The following LARGE1 variants were observed in gnomAD, a reference collection of about 807,000 sequenced individuals.
LARGE1 encodes the protein LARGE xylosyl- and glucuronyltransferase 1.
A neutral mutation model predicts 87.6 loss-of-function variants in LARGE1; 43 were observed. That is an observed-to-expected ratio of 0.49 (90% CI 0.38 to 0.63). LARGE1 has a LOEUF of 0.63. LARGE1 is among the 30% of genes least tolerant of loss of function. The pLI is 0.00. For synonymous variants in LARGE1, 434 were observed against 394.6 expected, an observed-to-expected ratio of 1.10 and a Z score of -1.18; for missense variants, 802 against 1,000.2, an observed-to-expected ratio of 0.80 and a Z score of 2.67.
chr22:33,387,214 C>G (rs2065355479), intron 7 of LARGE1, among the ~76,000 whole-genome samples: 1 of 148,428 alleles, frequency 6.7e-6, no homozygotes, highest in Non-Finnish European at 1.5e-5. Context: ...CATCTGAAGT[C>G]AGGAGTCCAA....
At chr22:33,191,272 G>A (rs1044867806) in intron 11 of LARGE1, among the ~76,000 whole-genome samples, 8 of 104,942 alleles carry the variant, frequency 7.6e-5, no homozygotes, top group Non-Finnish European at 4.4e-5. Context: ...AGTACATTCT[G>A]CTACAACTAA....
intron 11 of LARGE1, among the ~76,000 whole-genome samples, chr22:33,192,171 AAG>A (rs1317549558): frequency 6.6e-6 from 1 of 152,168 alleles, no homozygotes; most frequent in Admixed American, 6.5e-5. Flanking sequence ...AATTTTGTGG[AAG>A]AGTTTTACAT....
At chr22:33,488,886 T>A (rs2069701361) in intron 6 of LARGE1, among the ~76,000 whole-genome samples, 1 of 152,208 alleles carries the variant, frequency 6.6e-6, no homozygotes, top group Admixed American at 6.5e-5. Context: ...GCAAATGTAA[T>A]CACAACACCC....
chr22:33,628,798 C>T (rs1000884339), intron 3 of LARGE1, among the ~76,000 whole-genome samples: 2 of 94 alleles, frequency 0.021, no homozygotes, highest in African/African-American at 0.056. Context: ...TCCTCCAACC[C>T]GCAGACATCT....
At chr22:33,123,517 C>T in the LARGE1 span, among the ~76,000 whole-genome samples, 1 of 152,136 alleles carries the variant, frequency 6.6e-6, no homozygotes. Flanking sequence ...CTAAGTCTAG[C>T]AAAAGCTTAG....
intron 7 of LARGE1, among the ~76,000 whole-genome samples, chr22:33,408,771 G>T (rs1601737661): frequency 1.3e-5 from 1 of 74,348 alleles, no homozygotes; most frequent in Non-Finnish European, 2.2e-5. Context: ...AAAATGGCCA[G>T]GGGGGGTCAA....
intron 6 of LARGE1, among the ~76,000 whole-genome samples, chr22:33,560,929 C>T (rs1265345102): frequency 1.3e-5 from 2 of 152,048 alleles, no homozygotes; most frequent in African/African-American, 2.4e-5. Context: ...ATTCTCCTGC[C>T]TCAGCCTCCC....
chr22:33,558,924 A>T (rs1380883977), intron 6 of LARGE1, among the ~76,000 whole-genome samples: 1 of 152,208 alleles, frequency 6.6e-6, no homozygotes, highest in African/African-American at 2.4e-5. Flanking sequence ...GTCCTTAGAG[A>T]AAATGGAATG....
intron 2 of LARGE1, among the ~76,000 whole-genome samples, chr22:33,658,411 A>G (rs2081030675): frequency 2.6e-5 from 4 of 152,166 alleles, no homozygotes; most frequent in African/African-American, 9.7e-5. Flanking sequence ...CCCAGCATCC[A>G]TTAGCTACTC....
At chr22:33,113,146 C>T in the LARGE1 span, among the ~76,000 whole-genome samples, 1 of 151,814 alleles carries the variant, frequency 6.6e-6, no homozygotes, top group Admixed American at 6.6e-5. Flanking sequence ...ATTTTAAGCA[C>T]CAACTATATG....
chr22:33,154,925 G>A, the LARGE1 span, among the ~76,000 whole-genome samples: 3 of 152,154 alleles, frequency 2.0e-5, no homozygotes, highest in African/African-American at 4.8e-5. Flanking sequence ...TGGTGAATAC[G>A]TCTCATGAGA....
chr22:33,131,519 A>G, the LARGE1 span, among the ~76,000 whole-genome samples: 3 of 152,188 alleles, frequency 2.0e-5, no homozygotes, highest in Non-Finnish European at 4.4e-5. Flanking sequence ...ATGGACTCAC[A>G]GTTCCACATG....
chr22:33,219,963 G>A (rs909908014), intron 11 of LARGE1, among the ~76,000 whole-genome samples: 11 of 152,110 alleles, frequency 7.2e-5, no homozygotes, highest in Middle Eastern at 3.4e-3. Context: ...CCTGAGAAGA[G>A]AGAAAAAAAG....
At chr22:33,347,982 AAGG>A (rs1399908981) in intron 9 of LARGE1, among the ~76,000 whole-genome samples, 2 of 152,084 alleles carry the variant, frequency 1.3e-5, no homozygotes, top group African/African-American at 4.8e-5. Flanking sequence ...TCTATGGGGG[AAGG>A]AGGAGTAAGA....
rs140829010 is a variant in LARGE1 at position 33,289,108 on chromosome 22, G to A, written c.1731-5760C>T. 7.8e-3 allele frequency among the ~76,000 whole-genome samples: 1,183 copies of A among 151,944 alleles called. 16 individuals are homozygous for A. Among genetic ancestry groups the A allele is most frequent in the African/African-American group, 0.027 (1,117 of 41,450 alleles). ...CAAGTAGCTGGGACTACAGGTGCCC[G>A]CCACCACACCCAGCTAATTTTTTGT... On this transcript the variant is annotated intron_variant, in intron 12 of 14. Coordinates refer to ENST00000397394, the MANE Select transcript of LARGE1 (RefSeq NM_133642.5).
At chr22:33,299,834 A>G (rs1205720028) in intron 12 of LARGE1, among the ~76,000 whole-genome samples, 6 of 152,232 alleles carry the variant, frequency 3.9e-5, no homozygotes, top group African/African-American at 1.2e-4. Flanking sequence ...CATTTCTGAG[A>G]TCAAAAGTGA....
chr22:33,296,387 G>A lies in LARGE1; in HGVS notation c.1730+7842C>T, dbSNP rs540728338. On this transcript the variant is annotated intron_variant, in intron 12 of 14. Coordinates refer to ENST00000397394, the MANE Select transcript of LARGE1 (RefSeq NM_133642.5). ...AACTACATGGATTATCTGGTGCAAA[G>A]ATTAAAATAGTTCCCTGGTGTATAG... Among the ~76,000 whole-genome samples, 52 of 152,260 alleles carry A rather than the reference G, an allele frequency of 3.4e-4. 1 individual carries two copies. Among genetic ancestry groups the A allele is most frequent in the African/African-American group, 1.2e-3 (51 of 41,548 alleles).
In LARGE1 at chr22:33,304,447, G is replaced by A. The variant is rs1602325222; in HGVS notation, c.1512C>T (p.Tyr504=). The A allele has an allele frequency of 6.2e-7, 1 of 1,613,846 alleles. No homozygotes were observed. Among genetic ancestry groups the A allele is most frequent in the Admixed American group, 1.7e-5 (1 of 60,010 alleles). ...ACTGCTGGGCCTCGGCGTCTGACAG[G>A]TAGAGGGCCAGGCTGATGGGCCCCT... ...HWEGPISLAL[Y]LSDAEAQQFL... Residue 504 remains tyrosine (Y), a synonymous_variant, in exon 12 of 15, where the codon TAC becomes TAT. Transcript: ENST00000397394.
chr22:33,861,377 C>T (rs895590282), intron 1 of LARGE1, among the ~76,000 whole-genome samples: 2 of 151,998 alleles, frequency 1.3e-5, no homozygotes, highest in African/African-American at 4.8e-5. Flanking sequence ...ACTCCCACTC[C>T]TCACCCACCT....
Sources: allele counts gnomAD v4.1 joint callset (sites outside exome capture counted in the v4.1 genomes callset), GRCh38; gene constraint gnomAD v4.1.1; transcripts MANE v1.5; gene names NCBI Gene and HGNC (gene_info 2026-07-23, HGNC 2026-07-21).